Variants in TBC1D8 observed in about 807,000 individuals in gnomAD.
The protein encoded by TBC1D8 is TBC1 domain family member 8.
TBC1D8 carries 65 observed loss-of-function variants against 118.8 expected under a neutral mutation model. The ratio of observed to expected loss-of-function variants is 0.55; its 90% CI spans 0.45 to 0.67. TBC1D8 has a LOEUF of 0.67. Among genes scored for constraint, TBC1D8 ranks in the 30% least tolerant of loss-of-function variants. The pLI is 0.00. For synonymous variants in TBC1D8, 566 were observed against 595.8 expected (o/e 0.95, Z 0.73); for missense variants, 1,376 against 1,471.2 (o/e 0.94, Z 1.06).
intron 2 of TBC1D8, among the ~76,000 whole-genome samples, chr2:101,081,963 ACT>A (rs1675292638): frequency 1.3e-5 from 2 of 152,050 alleles, no homozygotes; most frequent in African/African-American, 4.8e-5. Context: ...ACATGATGAA[ACT>A]CTGTCTCTAC....
rs1191934423 is a variant in TBC1D8, at chr2:101,053,754, AT to A, written c.631+353del. 2.6e-5 allele frequency among the ~76,000 whole-genome samples: 4 copies of A among 152,294 alleles called. No individual in the cohort carries two copies. In the East Asian group the frequency reaches 7.7e-4, roughly 29 times the overall value. ...GCAGTCCCGACCTTCAGCGCCAGGA[AT>A]TTTTTTAATGGCCTGCTTTGTTAAG... is the stretch of plus-strand genomic sequence containing the variant. On this transcript the variant is annotated intron_variant, in intron 4 of 19. Coordinates refer to ENST00000409318, the MANE Select transcript of TBC1D8 (RefSeq NM_001330348.2).
At chr2:101,062,296 C>T (rs1018900819) in intron 2 of TBC1D8, among the ~76,000 whole-genome samples, 2 of 149,752 alleles carry the variant, frequency 1.3e-5, no homozygotes, top group African/African-American at 4.9e-5. Flanking sequence ...ACCTGTCACT[C>T]AGAATAAAGA....
intron 15 of TBC1D8, among the ~76,000 whole-genome samples, chr2:101,026,760 T>TA (rs1680364420): frequency 6.6e-6 from 1 of 152,246 alleles, no homozygotes; most frequent in South Asian, 2.1e-4. Context: ...AAAACTCTAG[T>TA]AATGTGCCTG....
intron 1 of TBC1D8, among the ~76,000 whole-genome samples, chr2:101,111,571 A>G (rs1390181123): frequency 6.6e-6 from 1 of 152,174 alleles, no homozygotes; most frequent in Non-Finnish European, 1.5e-5. Flanking sequence ...GGTGCCCCAG[A>G]TACATGGGAA....
At chr2:101,066,395 C>T (rs570218550) in intron 2 of TBC1D8, among the ~76,000 whole-genome samples, 2 of 152,086 alleles carry the variant, frequency 1.3e-5, no homozygotes, top group East Asian at 1.9e-4. Flanking sequence ...AAAGACCCAG[C>T]TCAAACCTTT....
chr2:101,134,911 C>T (rs779398193), intron 1 of TBC1D8, among the ~76,000 whole-genome samples: 1 of 152,202 alleles, frequency 6.6e-6, no homozygotes, highest in African/African-American at 2.4e-5. Flanking sequence ...CGGTGGCTCA[C>T]GCCTGTAATC....
In TBC1D8 at chr2:101,011,451, C is replaced by T. The variant is rs1463279971; in HGVS notation, c.2917G>A (p.Gly973Ser). 1 of 1,613,870 alleles carries T rather than the reference C, an allele frequency of 6.2e-7. No homozygotes were observed. The highest frequency in any genetic ancestry group is 2.2e-5 in the East Asian group (1 of 44,884). The change falls in exon 18 of 20, where the codon GGT becomes AGT. Residue 973 changes from glycine to serine, a missense_variant and splice_region_variant. Gly to Ser is a moderately conservative substitution (Grantham distance 56). Coordinates refer to ENST00000409318, the MANE Select transcript of TBC1D8 (RefSeq NM_001330348.2). Reference sequence around the variant, plus strand: ...AGCAACAATGAAAAGAGGTACGTGCCATTGGGTTTCCCGAAAACCAGGGGT... The same window carrying T: ...AGCAACAATGAAAAGAGGTACGTGCTATTGGGTTTCCCGAAAACCAGGGGT... ...SRPLVFGKPN[G>S]DAVDYQKQLK...
intron 2 of TBC1D8, among the ~76,000 whole-genome samples, chr2:101,073,069 T>C (rs1674555299): frequency 6.6e-6 from 1 of 152,128 alleles, no homozygotes; most frequent in Non-Finnish European, 1.5e-5. Flanking sequence ...ACATTTACCA[T>C]AGTTCTTAAG....
chr2:101,017,267 GTTTATTT>G (rs903410403), intron 17 of TBC1D8, among the ~76,000 whole-genome samples: 16 of 151,958 alleles, frequency 1.1e-4, no homozygotes, highest in Non-Finnish European at 1.3e-4. Context: ...CTGTTTTACA[GTTTATTT>G]TTTTTAATAA....
At chr2:101,046,254 T>C (rs916687702) in intron 5 of TBC1D8, among the ~76,000 whole-genome samples, 1 of 152,238 alleles carries the variant, frequency 6.6e-6, no homozygotes, top group Non-Finnish European at 1.5e-5. Flanking sequence ...CACCTGGCTG[T>C]CAGGCGCCAG....
At chr2:101,037,484 C>A in intron 8 of TBC1D8, 48 bp downstream of exon 8, 1 of 1,591,400 alleles carries the variant, frequency 6.3e-7, no homozygotes, top group Non-Finnish European at 8.5e-7. Flanking sequence ...CCCCCCCAAG[C>A]CCACGGCTCA....
At chr2:101,100,299 T>C (rs187652617) in intron 1 of TBC1D8, among the ~76,000 whole-genome samples, 2 of 152,090 alleles carry the variant, frequency 1.3e-5, no homozygotes, top group Non-Finnish European at 2.9e-5. Context: ...GGAATACAGC[T>C]AACAAGCGAT....
chr2:101,036,287 C>T (rs970573021), intron 8 of TBC1D8, 119 bp from the exon 9 acceptor site: 104 of 1,121,324 alleles, frequency 9.3e-5, no homozygotes, highest in South Asian at 8.6e-4. Flanking sequence ...CCAACAGCAA[C>T]GGGCAAGGAC....
At chr2:101,059,326 T>C (rs1426660294) in intron 3 of TBC1D8, 95 bp downstream of exon 3, 2 of 928,034 alleles carry the variant, frequency 2.2e-6, no homozygotes, top group South Asian at 3.3e-5. Context: ...AAAGTTCAGT[T>C]AGTAGGAAAA....
chr2:101,111,743 C>T (rs976161916), intron 1 of TBC1D8, among the ~76,000 whole-genome samples: 3 of 152,144 alleles, frequency 2.0e-5, no homozygotes, highest in Non-Finnish European at 4.4e-5. Context: ...AGTCTTCACT[C>T]AAAACCTGAA....
At chr2:101,033,165 G>A (rs1162578929) in intron 10 of TBC1D8, among the ~76,000 whole-genome samples, 1 of 151,700 alleles carries the variant, frequency 6.6e-6, no homozygotes, top group Non-Finnish European at 1.5e-5. Context: ...TTGCCAGGCT[G>A]GAATGCAGTG....
At chr2:101,118,751 T>A (rs1677964877) in intron 1 of TBC1D8, among the ~76,000 whole-genome samples, 1 of 149,220 alleles carries the variant, frequency 6.7e-6, no homozygotes, top group Non-Finnish European at 1.5e-5. Flanking sequence ...ACGCCTGTAA[T>A]CCCAGCACTC....
At chr2:101,136,627 C>T (rs1346726184) in intron 1 of TBC1D8, among the ~76,000 whole-genome samples, 1 of 152,132 alleles carries the variant, frequency 6.6e-6, no homozygotes, top group African/African-American at 2.4e-5. Context: ...CTAAAGGAAG[C>T]TACAGGTTAA....
intron 1 of TBC1D8, among the ~76,000 whole-genome samples, chr2:101,117,141 C>G (rs1348553036): frequency 6.6e-6 from 1 of 152,084 alleles, no homozygotes; most frequent in Non-Finnish European, 1.5e-5. Flanking sequence ...CCCCAGAACC[C>G]CAGGCAAGGC....
Sources: allele counts gnomAD v4.1 joint callset (sites outside exome capture counted in the v4.1 genomes callset), GRCh38; gene constraint gnomAD v4.1.1; transcripts MANE v1.5; gene names NCBI Gene and HGNC (gene_info 2026-07-23, HGNC 2026-07-21).